CDH23: variants seen among roughly 807,000 people sequenced by gnomAD.
CDH23 encodes cadherin-23.
In CDH23, 189 loss-of-function variants were observed where a neutral mutation model predicts 317.1. The ratio of observed to expected loss-of-function variants is 0.60; its 90% confidence interval spans 0.53 to 0.67. CDH23 has a LOEUF of 0.67. Among genes scored for constraint, CDH23 ranks in the 30% least tolerant of loss-of-function variants. The pLI is 0.00. For synonymous variants in CDH23, 1,839 were observed against 1,876.8 expected (o/e 0.98, Z 0.52); for missense variants, 4,401 against 4,592.4 (o/e 0.96, Z 1.20).
intron 14 of CDH23, among the ~76,000 whole-genome samples, chr10:71,660,360 G>A (rs1863597694): frequency 6.6e-6 from 1 of 152,182 alleles, no homozygotes; most frequent in African/African-American, 2.4e-5. Context: ...CGATCAAGGT[G>A]TATTTTTCTC....
rs1857751467 is a variant in CDH23 at position 71,570,869 on chromosome 10, T to C, written c.704T>C (p.Ile235Thr). Reference protein sequence around the residue: ...IITDVQDMDPIFINLPYSTNI... With the variant: ...IITDVQDMDPTFINLPYSTNI... ...ACAGATGTCCAGGACATGGACCCCA[T>C]CTTCATCAACCTGCCTTACAGCACC... The change falls in exon 8 of 70, where the codon ATC becomes ACC. Residue 235 changes from isoleucine to threonine, a missense_variant. Ile to Thr is a moderately conservative substitution (Grantham distance 89). Around this residue, in one of 3 missense-constraint regions of CDH23, gnomAD observed 3,068 missense variants for 3,203.3 expected, o/e 0.96. Coordinates refer to ENST00000224721, the MANE Select transcript of CDH23 (RefSeq NM_022124.6). 6.2e-7 allele frequency: 1 copy of C among 1,613,984 alleles called. No homozygotes were observed. Among genetic ancestry groups the C allele is most frequent in the African/African-American group, 1.3e-5 (1 of 75,036 alleles).
At chr10:71,795,721 C>T in intron 48 of CDH23, 2 of 558,350 alleles carry the variant, frequency 3.6e-6, no homozygotes, top group Non-Finnish European at 4.5e-6. Context: ...CCTCCTCCCA[C>T]CCCGTCAGCT....
intron 27 of CDH23, chr10:71,711,890 C>T (rs375044639): frequency 2.0e-5 from 3 of 152,286 alleles, no homozygotes; most frequent in African/African-American, 7.2e-5. Flanking sequence ...CAGTCCCTGA[C>T]AGCAGTTGGC....
chr10:71,446,829 C>T (rs1041023610), intron 3 of CDH23, among the ~76,000 whole-genome samples: 3 of 152,196 alleles, frequency 2.0e-5, no homozygotes, highest in African/African-American at 4.8e-5. Flanking sequence ...GTGCTCAGCC[C>T]GTCGCCCCAT....
intron 7 of CDH23, among the ~76,000 whole-genome samples, chr10:71,569,522 A>C (rs1857635776): frequency 6.6e-6 from 1 of 152,236 alleles, no homozygotes; most frequent in Admixed American, 6.5e-5. Flanking sequence ...TCAGATTCCC[A>C]GGGGGAAAAA....
chr10:71,468,169 G>T (rs551702437), intron 3 of CDH23, among the ~76,000 whole-genome samples: 6 of 152,278 alleles, frequency 3.9e-5, no homozygotes, highest in Admixed American at 3.9e-4. Flanking sequence ...AAAGCTCCTG[G>T]CTCTGCCAAG....
At chr10:71,814,503 G>A (rs1842052150) in intron 69 of CDH23, among the ~76,000 whole-genome samples, 2 of 152,360 alleles carry the variant, frequency 1.3e-5, no homozygotes, top group South Asian at 4.1e-4. Flanking sequence ...GAGGTCAGGA[G>A]TTCCAGACCA....
intron 2 of CDH23, among the ~76,000 whole-genome samples, chr10:71,446,020 A>C (rs1195082994): frequency 6.6e-6 from 1 of 152,222 alleles, no homozygotes; most frequent in African/African-American, 2.4e-5. Flanking sequence ...GAGGCTTCTA[A>C]ATCCTGTCTT....
chr10:71,676,158 T>A (rs1864360863), intron 15 of CDH23, among the ~76,000 whole-genome samples: 1 of 149,714 alleles, frequency 6.7e-6, no homozygotes, highest in African/African-American at 2.5e-5. Context: ...TCCACCCACC[T>A]CAGCCTCCCA....
chr10:71,511,658 G>A (rs78699929), intron 6 of CDH23: 8,310 of 269,750 alleles, frequency 0.031, 701 homozygotes, highest in African/African-American at 0.17. Context: ...CCCTAGCCCC[G>A]CGCTCTCCAC....
At chr10:71,771,911 G>A (rs1301974967) in intron 38 of CDH23, among the ~76,000 whole-genome samples, 2 of 152,210 alleles carry the variant, frequency 1.3e-5, no homozygotes, top group Non-Finnish European at 2.9e-5. Flanking sequence ...GTGAGGGCAG[G>A]AAGTGGGCAA....
At chr10:71,652,058 G>A (rs1863200753) in intron 14 of CDH23, among the ~76,000 whole-genome samples, 1 of 152,212 alleles carries the variant, frequency 6.6e-6, no homozygotes, top group Non-Finnish European at 1.5e-5. Context: ...GACAAGACAG[G>A]CTTCTTCCCC....
chr10:71,768,418 G>A (rs144487838), intron 38 of CDH23, among the ~76,000 whole-genome samples: 1,969 of 152,152 alleles, frequency 0.013, 38 homozygotes, highest in East Asian at 0.082. Flanking sequence ...TGATCCACCC[G>A]CCTCGTCCTC....
intron 6 of CDH23, among the ~76,000 whole-genome samples, chr10:71,515,630 C>G (rs1854294071): frequency 6.6e-6 from 1 of 152,096 alleles, no homozygotes; most frequent in Admixed American, 6.6e-5. Context: ...AAAAATGCTA[C>G]CATTTCCCAA....
intron 2 of CDH23, among the ~76,000 whole-genome samples, chr10:71,441,814 C>A (rs1052593075): frequency 6.6e-6 from 1 of 152,164 alleles, no homozygotes; most frequent in South Asian, 2.1e-4. Flanking sequence ...ACGGCAGTCT[C>A]CCCTTGAGCT....
chr10:71,474,642 G>A (rs538846239), intron 3 of CDH23, among the ~76,000 whole-genome samples: 1 of 152,266 alleles, frequency 6.6e-6, no homozygotes, highest in Non-Finnish European at 1.5e-5. Flanking sequence ...CGGGGTGGGT[G>A]AGATGAGCCA....
intron 3 of CDH23, among the ~76,000 whole-genome samples, chr10:71,486,706 G>T (rs1852367823): frequency 6.6e-6 from 1 of 152,174 alleles, no homozygotes; most frequent in African/African-American, 2.4e-5. Flanking sequence ...GACCTGGTGT[G>T]TCAAACTCCA....
intron 1 of CDH23, among the ~76,000 whole-genome samples, chr10:71,408,146 A>G (rs1034133270): frequency 6.6e-6 from 1 of 152,196 alleles, no homozygotes; most frequent in African/African-American, 2.4e-5. Context: ...CAATGGCTTG[A>G]TGTAACTCTT....
intron 9 of CDH23, among the ~76,000 whole-genome samples, chr10:71,578,246 G>C (rs1415541108): frequency 5.3e-5 from 8 of 152,174 alleles, no homozygotes; most frequent in Non-Finnish European, 1.0e-4. Context: ...GTGGGCACTG[G>C]GGGGTGGGCG....
Sources: allele counts gnomAD v4.1 joint callset (sites outside exome capture counted in the v4.1 genomes callset), GRCh38; gene constraint gnomAD v4.1.1; regional missense constraint gnomAD v4.1.1; transcripts MANE v1.5; gene names NCBI Gene and HGNC (gene_info 2026-07-23, HGNC 2026-07-21).